The following PIP5K1C variants were observed in gnomAD, a reference collection of about 807,000 sequenced individuals.
PIP5K1C encodes the protein phosphatidylinositol 4-phosphate 5-kinase type-1 gamma.
PIP5K1C carries 45 observed loss-of-function variants against 80.1 expected under a neutral mutation model. The ratio of observed to expected loss-of-function variants is 0.56; its 90% CI spans 0.44 to 0.72. PIP5K1C has a LOEUF of 0.72. PIP5K1C is among the 30% of genes least tolerant of loss of function. The probability of loss-of-function intolerance (pLI) is 0.00; values close to 1 mark genes in which losing one functional copy is unlikely to be tolerated. For missense variants in PIP5K1C, 753 were observed against 954.6 expected (o/e 0.79, Z 2.78); for synonymous variants, 498 against 420.1 (o/e 1.19, Z -2.27).
At position 3,630,522 on chromosome 19, in the gene PIP5K1C, G is replaced by A. The variant is rs1399469141; in HGVS notation, c.*2645C>T. On this transcript the variant is annotated 3_prime_UTR_variant, in exon 18 of 18. Coordinates refer to ENST00000335312, the MANE Select transcript of PIP5K1C (RefSeq NM_012398.3). ...CGATTGAACCACCGGAGATGAGGAG[G>A]AGGTGGCAGGCGCCTCTCCTGGGGT... The A allele has an allele frequency of 6.6e-6, 1 of 152,592 alleles. No individual in the cohort carries two copies. The highest frequency in any genetic ancestry group is 1.5e-5 in the Non-Finnish European group (1 of 68,048). 9.5% of individuals were successfully genotyped at this position (152,592 alleles called of 1,614,324 possible).
In PIP5K1C at chr19:3,667,331, G is replaced by A; in HGVS notation, c.117C>T (p.Ala39=). The A allele has an allele frequency of 6.2e-7, 1 of 1,612,986 alleles. No homozygotes were observed. The highest frequency in any genetic ancestry group is 8.5e-7 in the Non-Finnish European group (1 of 1,179,906). Residue 39 remains alanine (A), a synonymous_variant, in exon 2 of 18, where the codon GCC becomes GCT. Transcript: ENST00000335312. ...CGCTCCAGACACTCACCTCTGTTGG[G>A]GCCGCCTTCTTCTGAGCCAAACCTG... is the stretch of plus-strand genomic sequence containing the variant. ...AAAGLAQKKA[A]PTEVLSMTAQ... is the part of the protein sequence containing the mutation.
At chr19:3,689,212 TA>T (rs1336306369) in intron 1 of PIP5K1C, among the ~76,000 whole-genome samples, 4 of 151,834 alleles carry the variant, frequency 2.6e-5, no homozygotes, top group Admixed American at 6.6e-5. Flanking sequence ...CGCCTTGAAA[TA>T]AAAACGAACA....
rs1225350540 is a variant in PIP5K1C, at chr19:3,664,948, A to T, written c.127-34T>A. 2.0e-6 allele frequency: 3 copies of T among 1,520,566 alleles called. No individual in the cohort carries two copies. The African/African-American group carries it at 4.1e-5, about 21-fold the overall frequency. The allele number at this position is 1,520,566 out of a possible 1,614,324, so 94.2% of individuals were successfully genotyped here. On this transcript the variant is annotated intron_variant, in intron 2 of 17. Coordinates refer to ENST00000335312, the MANE Select transcript of PIP5K1C (RefSeq NM_012398.3). ...AGGAAGCAGGAAGCGTTAACTCCCT[A>T]AGGAGCACGCCCACCGGGACAGGGC...
intron 8 of PIP5K1C, among the ~76,000 whole-genome samples, chr19:3,650,277 A>T (rs542995558): frequency 6.6e-6 from 1 of 152,300 alleles, no homozygotes; most frequent in East Asian, 1.9e-4. Flanking sequence ...CCCCCAACCT[A>T]GGAGCCTATT....
intron 1 of PIP5K1C, among the ~76,000 whole-genome samples, chr19:3,699,133 G>A (rs2036214965): frequency 6.6e-6 from 1 of 152,004 alleles, no homozygotes; most frequent in Non-Finnish European, 1.5e-5. Flanking sequence ...CGGAAGTTGG[G>A]GGGCCCAAGA....
chr19:3,653,332 G>C lies in PIP5K1C; in HGVS notation c.879C>G (p.Asp293Glu). 1 of 1,611,042 alleles carries C rather than the reference G, an allele frequency of 6.2e-7. No individual in the cohort carries two copies. The highest frequency in any genetic ancestry group is 8.5e-7 in the Non-Finnish European group (1 of 1,180,000). Residue 293 changes from aspartate (D) to glutamate (E), a missense_variant, in exon 7 of 18, where the codon GAC becomes GAG. This residue lies in a region of PIP5K1C where 105 missense variants were observed against 133.4 expected (regional missense o/e 0.79). Transcript: ENST00000335312. ...GCGTCTTGACCAGGGCGCTGAAGGT[G>C]TCGGCGTCCAGCAGGAGCCCCTCGG... ...DMPEGLLLDA[D>E]TFSALVKTLQ...
At position 3,633,188 on chromosome 19, in the gene PIP5K1C, A is replaced by G. The variant is rs2145357336; in HGVS notation, c.2005-19T>C. ...GAAATTACTGCAAGAGCAAGAGGAC[A>G]GGTGAAGGTGGGCGGGGCGAGGGCC... On this transcript the variant is annotated intron_variant, in intron 17 of 17. Transcript: ENST00000335312. The G allele has an allele frequency of 1.3e-6, 1 of 755,626 alleles. No individual in the cohort carries two copies. 46.8% of individuals were successfully genotyped at this position (755,626 alleles called of 1,614,324 possible). A position where few individuals can be genotyped will look rare whatever the true frequency, so the allele number is the denominator to read the frequency against.
intron 5 of PIP5K1C, among the ~76,000 whole-genome samples, chr19:3,658,072 A>T (rs1285448968): frequency 1.3e-5 from 2 of 152,232 alleles, no homozygotes. Context: ...CGCCGGAAAC[A>T]TGAGGTCACA....
intron 16 of PIP5K1C, among the ~76,000 whole-genome samples, chr19:3,635,970 ACT>A (rs1568306547): frequency 6.6e-6 from 1 of 150,822 alleles, no homozygotes; most frequent in Non-Finnish European, 1.5e-5. Flanking sequence ...ACAGAACGAG[ACT>A]CTGTCTCAAA....
intron 1 of PIP5K1C, among the ~76,000 whole-genome samples, chr19:3,679,564 A>G (rs1052616687): frequency 2.0e-5 from 3 of 151,936 alleles, no homozygotes; most frequent in African/African-American, 7.3e-5. Context: ...CCTACTCGCT[A>G]CTCAGTAGGG....
In PIP5K1C at chr19:3,676,121, G is replaced by A. The variant is rs929701972; in HGVS notation, c.95-8768C>T. On this transcript the variant is annotated intron_variant, in intron 1 of 17. Transcript: ENST00000335312. ...GGAGAGGTGGAAGGATTCTGACACCGCTGGGGAGAACCCATGTGGCCAGGC... is the reference window on the plus strand; with the variant it reads ...GGAGAGGTGGAAGGATTCTGACACCACTGGGGAGAACCCATGTGGCCAGGC... Among the ~76,000 whole-genome samples, 8 of 152,190 alleles carry A rather than the reference G, an allele frequency of 5.3e-5. No individual in the cohort carries two copies. In the South Asian group the frequency reaches 1.7e-3, roughly 32 times the overall value.
At chr19:3,666,037 C>T (rs1364917700) in intron 2 of PIP5K1C, among the ~76,000 whole-genome samples, 2 of 152,286 alleles carry the variant, frequency 1.3e-5, no homozygotes, top group East Asian at 3.9e-4. Context: ...AGGGGGCAGG[C>T]TCTCCCCAGG....
intron 5 of PIP5K1C, among the ~76,000 whole-genome samples, chr19:3,658,807 C>G (rs1483217936): frequency 2.0e-5 from 3 of 152,242 alleles, no homozygotes; most frequent in Non-Finnish European, 4.4e-5. Context: ...AGCCACATGA[C>G]TAATGGCAGT....
Position 3,682,600 on chromosome 19 carries a change from G to C in PIP5K1C, c.95-15247C>G, listed in dbSNP as rs543730680. Among the ~76,000 whole-genome samples, 10 of 152,194 alleles carry C rather than the reference G, an allele frequency of 6.6e-5. 1 individual carries two copies. The highest frequency in any genetic ancestry group is 2.4e-4 in the African/African-American group (10 of 41,506). ...GCTACTCGGGAGGCTGCGGTGGGAA[G>C]ACTGCTTGAGCCCCAGAGTTGGAGG... On this transcript the variant is annotated intron_variant, in intron 1 of 17. Transcript: ENST00000335312.
chr19:3,643,014 C>A (rs2034037147), intron 13 of PIP5K1C, 75 bp from the exon 14 acceptor site: 4 of 1,564,846 alleles, frequency 2.6e-6, no homozygotes, highest in Non-Finnish European at 2.6e-6. Context: ...CCTTGCCTAC[C>A]CGCCTGCCTA....
intron 1 of PIP5K1C, among the ~76,000 whole-genome samples, chr19:3,691,658 G>C (rs1300598470): frequency 6.6e-6 from 1 of 151,084 alleles, no homozygotes; most frequent in Non-Finnish European, 1.5e-5. Context: ...CTTTTCAATA[G>C]CAGTCACCTC....
intron 1 of PIP5K1C, among the ~76,000 whole-genome samples, chr19:3,671,905 C>T (rs541592173): frequency 2.2e-4 from 34 of 152,358 alleles, no homozygotes; most frequent in African/African-American, 7.7e-4. Flanking sequence ...TGAGCCACCC[C>T]GTTTTCGAGG....
chr19:3,644,329 T>A, intron 11 of PIP5K1C, 78 bp from the exon 12 acceptor site: 1 of 1,436,150 alleles, frequency 7.0e-7, no homozygotes, highest in South Asian at 1.2e-5. Context: ...GCCGCCCACA[T>A]ATACCCCACG....
Position 3,637,604 on chromosome 19 carries a change from C to T in PIP5K1C, c.1920+1280G>A. Reference sequence around the variant, plus strand: ...CGGGGAGAGTAAATCCAGTACCTCCCATCCGTGAACTGGACGGGGCGGGCC... The same window carrying T: ...CGGGGAGAGTAAATCCAGTACCTCCTATCCGTGAACTGGACGGGGCGGGCC... On this transcript the variant is annotated intron_variant, in intron 16 of 17. Coordinates refer to ENST00000335312, the MANE Select transcript of PIP5K1C (RefSeq NM_012398.3). This position sits in a 1 kb window ranked among gnomAD's most constrained non-coding sequence, Gnocchi z 7.0. 1 of 1,488,178 alleles carries T rather than the reference C, an allele frequency of 6.7e-7. No individual in the cohort carries two copies. Among genetic ancestry groups the T allele is most frequent in the Non-Finnish European group, 9.0e-7 (1 of 1,106,322 alleles). The allele number at this position is 1,488,178 out of a possible 1,614,324, so 92.2% of individuals were successfully genotyped here.
Sources: gnomAD v4.1 joint callset for allele counts (sites outside exome capture counted in the v4.1 genomes callset) on GRCh38, gnomAD v4.1.1 for gene constraint, gnomAD v4.1.1 regional missense constraint, Gnocchi (gnomAD v3.1) non-coding constraint, MANE v1.5 for transcripts, NCBI Gene and HGNC (gene_info 2026-07-23, HGNC 2026-07-21) for gene names.